The following JAK1 variants were observed in gnomAD, a reference collection of about 807,000 sequenced individuals.
The protein encoded by JAK1 is Janus kinase 1.
In JAK1, 16 loss-of-function variants were observed where a neutral mutation model predicts 136.6. The observed-to-expected ratio is 0.12, with a 90% CI of 0.08 to 0.18. The LOEUF is 0.18. Among genes scored for constraint, JAK1 ranks in the 10% least tolerant of loss-of-function variants. The pLI is 1.00. For synonymous variants in JAK1, 492 were observed against 519.5 expected (o/e 0.95, Z 0.72); for missense variants, 859 against 1,450.1 (o/e 0.59, Z 6.62).
intron 2 of JAK1, among the ~76,000 whole-genome samples, chr1:64,982,431 T>A (rs929325696): frequency 6.6e-6 from 1 of 152,232 alleles, no homozygotes; most frequent in Non-Finnish European, 1.5e-5. Context: ...CCATATTCTT[T>A]GAAGCCCTTC....
chr1:64,855,948 T>A (rs968067365), intron 10 of JAK1, among the ~76,000 whole-genome samples: 1 of 152,220 alleles, frequency 6.6e-6, no homozygotes, highest in South Asian at 2.1e-4. Flanking sequence ...GCAGACACAG[T>A]AGCTATTTCT....
Position 64,928,778 on chromosome 1 carries a change from CAAAAAA to C in JAK1, c.-78+37549_-78+37554del, listed in dbSNP as rs1183218798. On this transcript the variant is annotated intron_variant, in intron 1 of 24. Transcript: ENST00000342505. ...AGGTTCTGAGTGCTATAAAACTCTG[CAAAAAA>C]AAAAAAAAAAAACAAAAAAAAAAAA... 3.8e-4 allele frequency among the ~76,000 whole-genome samples: 23 copies of C among 61,126 alleles called. 1 individual carries two copies. The highest frequency in any genetic ancestry group is 6.7e-4 in the Admixed American group (3 of 4,494). 40.1% of individuals were successfully genotyped at this position (61,126 alleles called of 152,430 possible).
In JAK1 at chr1:65,064,208, A is replaced by C. The variant is rs1647942787; in HGVS notation, c.-181+3396T>G. 4.6e-5 allele frequency among the ~76,000 whole-genome samples: 7 copies of C among 152,206 alleles called. No individual in the cohort carries two copies. In the South Asian group the frequency reaches 1.5e-3, roughly 32 times the overall value. On this transcript the variant is annotated intron_variant, in intron 1 of 25. Coordinates refer to the JAK1 transcript ENST00000671954. ...TCCAAATATAAATAAGCTTTCCAATAACTAAATCAAGTTATCAAAGTCTAA... is the reference window on the plus strand; with the variant it reads ...TCCAAATATAAATAAGCTTTCCAATCACTAAATCAAGTTATCAAAGTCTAA...
chr1:65,038,186 CTT>C, intron 2 of JAK1, among the ~76,000 whole-genome samples: 3 of 147,302 alleles, frequency 2.0e-5, no homozygotes, highest in African/African-American at 7.5e-5. Context: ...AATTCTTTTT[CTT>C]TTTTCTTTTC....
At chr1:64,889,429 G>A (rs538363420) in intron 1 of JAK1, among the ~76,000 whole-genome samples, 176 of 152,150 alleles carry the variant, frequency 1.2e-3, no homozygotes, top group Non-Finnish European at 2.1e-3. Context: ...AAATTGTCAA[G>A]GATTTGAAAG....
intron 3 of JAK1, among the ~76,000 whole-genome samples, chr1:64,880,173 G>T (rs1644747771): frequency 6.6e-6 from 1 of 152,186 alleles, no homozygotes; most frequent in South Asian, 2.1e-4. Flanking sequence ...ACTGAGTTAA[G>T]AAGCTACAGA....
chr1:64,878,655 A>G (rs957440064), intron 4 of JAK1, among the ~76,000 whole-genome samples: 4 of 146,498 alleles, frequency 2.7e-5, no homozygotes, highest in Non-Finnish European at 4.5e-5. Context: ...TGCTGATAGT[A>G]TCGTCTCCTG....
chr1:64,839,652 G>A lies in JAK1; in HGVS notation c.2793C>T (p.Asn931=), dbSNP rs2100959972. 6.2e-7 allele frequency: 1 copy of A among 1,614,202 alleles called. No homozygotes were observed. Among genetic ancestry groups the A allele is most frequent in the African/African-American group, 1.3e-5 (1 of 75,058 alleles). ...ACTTCACAATGTTCTCATGATAGAGGTTCCTTAAGATCTCGATTTCCTTTT... is the reference window on the plus strand; with the variant it reads ...ACTTCACAATGTTCTCATGATAGAGATTCCTTAAGATCTCGATTTCCTTTT... ...DLKKEIEILR[N]LYHENIVKYK... Residue 931 remains asparagine, a synonymous_variant, in exon 20 of 25, where the codon AAC becomes AAT. Coordinates refer to ENST00000342505, the MANE Select transcript of JAK1 (RefSeq NM_002227.4).
Position 64,949,121 on chromosome 1 carries a change from A to T in JAK1, c.-78+17212T>A, listed in dbSNP as rs999133011. Among the ~76,000 whole-genome samples the T allele has an allele frequency of 2.0e-5, 3 of 152,208 alleles. No individual in the cohort carries two copies. The East Asian group carries it at 5.8e-4, about 29-fold the overall frequency. ...TTGGATAGACTTAATCCTAACAGCA[A>T]AGGGCAGCTAGTGAAAGATTTTAAG... On this transcript the variant is annotated intron_variant, in intron 1 of 24. Transcript: ENST00000342505.
intron 1 of JAK1, among the ~76,000 whole-genome samples, chr1:65,057,251 T>C (rs1001076136): frequency 1.3e-5 from 2 of 152,226 alleles, no homozygotes; most frequent in Non-Finnish European, 2.9e-5. Flanking sequence ...TTATTTGCTA[T>C]TGTTACATGT....
intron 5 of JAK1, among the ~76,000 whole-genome samples, chr1:64,871,431 GAACGGGTGACT>G (rs1657066279): frequency 6.6e-6 from 1 of 152,290 alleles, no homozygotes; most frequent in African/African-American, 2.4e-5. Context: ...AAATGTCCAG[GAACGGGTGACT>G]AAGTTAAATA....
intron 1 of JAK1, among the ~76,000 whole-genome samples, chr1:64,896,045 G>A (rs1228364352): frequency 6.6e-6 from 1 of 152,220 alleles, no homozygotes; most frequent in Non-Finnish European, 1.5e-5. Context: ...GATTTAGATG[G>A]TAGATGGGTA....
chr1:65,056,890 C>T (rs1647563921), intron 1 of JAK1, among the ~76,000 whole-genome samples: 1 of 147,224 alleles, frequency 6.8e-6, no homozygotes, highest in Non-Finnish European at 1.5e-5. Flanking sequence ...AGCTACTGCA[C>T]TCCAGCCTGA....
At chr1:64,938,211 T>TA (rs907615512) in intron 1 of JAK1, among the ~76,000 whole-genome samples, 2 of 152,196 alleles carry the variant, frequency 1.3e-5, no homozygotes, top group East Asian at 1.9e-4. Context: ...AAGTTTTTTT[T>TA]AAAAAAAAGT....
At chr1:65,027,451 G>A (rs1025173041) in intron 2 of JAK1, among the ~76,000 whole-genome samples, 3 of 152,008 alleles carry the variant, frequency 2.0e-5, no homozygotes, top group Admixed American at 1.3e-4. Flanking sequence ...AAGAAGCAGA[G>A]CAAAATCTCC....
chr1:64,836,343 T>C lies in JAK1; in HGVS notation c.3141-128A>G, dbSNP rs184766508. On this transcript the variant is annotated intron_variant, in intron 22 of 24. Coordinates refer to ENST00000342505, the MANE Select transcript of JAK1 (RefSeq NM_002227.4). ...TAATACAGCATCTGACTGTGTATTA[T>C]ATATTTTACACATACCATGTATACG... 2,094 of 682,042 alleles carry C rather than the reference T, an allele frequency of 3.1e-3. 5 individuals carry two copies. The highest frequency in any genetic ancestry group is 4.6e-3 in the Non-Finnish European group (1,708 of 374,922). The allele number at this position is 682,042 out of a possible 1,614,324, so 42.2% of individuals were successfully genotyped here. A position where few individuals can be genotyped will look rare whatever the true frequency, so the allele number is the denominator to read the frequency against.
intron 1 of JAK1, among the ~76,000 whole-genome samples, chr1:64,906,949 G>A (rs1459567449): frequency 2.0e-5 from 3 of 149,570 alleles, no homozygotes; most frequent in African/African-American, 7.4e-5. Context: ...CCCACTAAAT[G>A]CACATACTCA....
At chr1:64,878,778 C>G (rs1644722761) in intron 4 of JAK1, among the ~76,000 whole-genome samples, 2 of 151,986 alleles carry the variant, frequency 1.3e-5, no homozygotes, top group South Asian at 4.2e-4. Flanking sequence ...GACACTAATT[C>G]TATTCAAAAT....
At chr1:64,926,307 C>T (rs1645580828) in intron 1 of JAK1, among the ~76,000 whole-genome samples, 1 of 151,948 alleles carries the variant, frequency 6.6e-6, no homozygotes, top group South Asian at 2.1e-4. Context: ...AATGCTCCTC[C>T]TACCTGCTCC....
Sources: gnomAD v4.1 joint callset for allele counts (sites outside exome capture counted in the v4.1 genomes callset) on GRCh38, gnomAD v4.1.1 for gene constraint, MANE v1.5 for transcripts, NCBI Gene and HGNC (gene_info 2026-07-23, HGNC 2026-07-21) for gene names.